Variants in LRP1B observed in about 807,000 individuals in gnomAD.
The protein encoded by LRP1B is LDL receptor related protein 1B.
A neutral mutation model predicts 556.6 loss-of-function variants in LRP1B; 217 were observed. That is an observed-to-expected ratio of 0.39 (90% CI 0.35 to 0.44). The LOEUF (loss-of-function observed/expected upper bound fraction) is 0.44. Among genes scored for constraint, LRP1B ranks in the 20% least tolerant of loss-of-function variants. LRP1B has a pLI of 1.00. For missense variants in LRP1B, 5,053 were observed against 5,620.8 expected, an observed-to-expected ratio of 0.90 and a Z score of 3.23; for synonymous variants, 2,047 against 1,865.8, an observed-to-expected ratio of 1.10 and a Z score of -2.50.
chr2:140,666,853 C>T (rs16844441), intron 41 of LRP1B, among the ~76,000 whole-genome samples: 15,819 of 152,186 alleles, frequency 0.1, 963 homozygotes, highest in East Asian at 0.25. Context: ...GTTCTGCCAT[C>T]AGAGAATTAT....
chr2:141,061,547 T>C (rs555073700), intron 8 of LRP1B, among the ~76,000 whole-genome samples: 9 of 151,916 alleles, frequency 5.9e-5, no homozygotes, highest in African/African-American at 2.2e-4. Context: ...TCCGTGACTT[T>C]CACAGAATTC....
At chr2:140,668,858 G>C (rs1476245670) in intron 41 of LRP1B, among the ~76,000 whole-genome samples, 1 of 152,138 alleles carries the variant, frequency 6.6e-6, no homozygotes, top group Non-Finnish European at 1.5e-5. Context: ...GAATTTTCCA[G>C]ATAAGTTCTC....
At chr2:141,867,380 CATTTA>C (rs1418222017) in intron 1 of LRP1B, among the ~76,000 whole-genome samples, 1 of 151,972 alleles carries the variant, frequency 6.6e-6, no homozygotes, top group Non-Finnish European at 1.5e-5. Flanking sequence ...TATTTTCTCT[CATTTA>C]AAAGAAGACA....
intron 47 of LRP1B, among the ~76,000 whole-genome samples, chr2:140,527,157 T>G (rs1690472982): frequency 6.6e-6 from 1 of 152,016 alleles, no homozygotes; most frequent in African/African-American, 2.4e-5. Context: ...TAAAGTATCT[T>G]ATTTTTAACC....
chr2:141,497,958 G>A (rs375684598), intron 2 of LRP1B, among the ~76,000 whole-genome samples: 24 of 136,044 alleles, frequency 1.8e-4, no homozygotes, highest in African/African-American at 6.8e-4. Context: ...ACAGTCATAC[G>A]AAAAAAATGC....
chr2:140,432,867 C>T (rs11897270), intron 66 of LRP1B, among the ~76,000 whole-genome samples: 47,399 of 151,966 alleles, frequency 0.31, 7,895 homozygotes, highest in Non-Finnish European at 0.34. Flanking sequence ...ATTGGATTTC[C>T]TGACTCTTTT....
chr2:141,755,144 A>G (rs893461723), intron 2 of LRP1B, among the ~76,000 whole-genome samples: 1 of 152,144 alleles, frequency 6.6e-6, no homozygotes, highest in African/African-American at 2.4e-5. Context: ...GAAAGCAACC[A>G]TAGTGAAGAA....
At chr2:140,739,739 A>T (rs184705189) in intron 35 of LRP1B, among the ~76,000 whole-genome samples, 205 of 152,314 alleles carry the variant, frequency 1.3e-3, no homozygotes, top group African/African-American at 4.8e-3. Context: ...ATAGAAACTT[A>T]TTCTCCCCAT....
intron 1 of LRP1B, among the ~76,000 whole-genome samples, chr2:141,914,281 T>C (rs1472663282): frequency 6.6e-6 from 1 of 152,208 alleles, no homozygotes; most frequent in African/African-American, 2.4e-5. Flanking sequence ...ATAAAGTGAT[T>C]GGCAACAAAA....
chr2:141,646,927 A>G (rs1040300510), intron 2 of LRP1B, among the ~76,000 whole-genome samples: 16 of 152,174 alleles, frequency 1.1e-4, no homozygotes, highest in African/African-American at 3.9e-4. Flanking sequence ...CCAGGATGGT[A>G]GCAGTGGGTA....
intron 2 of LRP1B, among the ~76,000 whole-genome samples, chr2:141,742,134 C>T (rs1368674431): frequency 4.6e-5 from 7 of 151,958 alleles, no homozygotes; most frequent in Non-Finnish European, 1.0e-4. Flanking sequence ...TTTCTATATT[C>T]TGTTCCACTG....
intron 2 of LRP1B, among the ~76,000 whole-genome samples, chr2:141,768,001 C>T (rs978719714): frequency 1.3e-5 from 2 of 152,086 alleles, no homozygotes; most frequent in Admixed American, 6.6e-5. Context: ...AAAGAAGAAT[C>T]TGGGGGACAA....
intron 2 of LRP1B, among the ~76,000 whole-genome samples, chr2:141,801,595 C>T (rs570876001): frequency 1.3e-5 from 2 of 152,158 alleles, no homozygotes; most frequent in African/African-American, 4.8e-5. Flanking sequence ...TCTATCAATA[C>T]TTGAAAAAGA....
intron 7 of LRP1B, among the ~76,000 whole-genome samples, chr2:141,072,812 C>T (rs1699682938): frequency 6.6e-6 from 1 of 152,006 alleles, no homozygotes; most frequent in African/African-American, 2.4e-5. Context: ...AAGGCAAATC[C>T]TTTGTTTTCT....
At chr2:142,130,591 G>T in intron 1 of LRP1B, 57 bp downstream of exon 1, 2 of 1,424,846 alleles carry the variant, frequency 1.4e-6, no homozygotes, top group Non-Finnish European at 9.7e-7. Flanking sequence ...TGCAAGCATC[G>T]CCCAGCAGGA....
chr2:141,460,672 G>T (rs879859545), intron 3 of LRP1B, among the ~76,000 whole-genome samples: 2 of 152,160 alleles, frequency 1.3e-5, no homozygotes, highest in Non-Finnish European at 2.9e-5. Flanking sequence ...GGTTATTACA[G>T]TTATTCAAGT....
chr2:140,964,509 A>G (rs999694351), intron 18 of LRP1B, among the ~76,000 whole-genome samples: 4 of 151,992 alleles, frequency 2.6e-5, no homozygotes, highest in African/African-American at 9.6e-5. Context: ...GCGTCTTCCC[A>G]GACGCTGATG....
chr2:140,850,092 A>C lies in LRP1B; in HGVS notation c.4939+10T>G. On this transcript the variant is annotated intron_variant, in intron 29 of 90. Transcript: ENST00000389484. Reference sequence around the variant, plus strand: ...CACTTTTAAAGTTGTAACATGTACGAATCTTTTACCTCTTGAAATAACAGT... The same window carrying C: ...CACTTTTAAAGTTGTAACATGTACGCATCTTTTACCTCTTGAAATAACAGT... 6.5e-7 allele frequency: 1 copy of C among 1,535,302 alleles called. No homozygotes were observed. Among genetic ancestry groups the C allele is most frequent in the Non-Finnish European group, 9.0e-7 (1 of 1,110,912 alleles).
intron 2 of LRP1B, among the ~76,000 whole-genome samples, chr2:141,582,255 T>G (rs72978013): frequency 0.028 from 4,244 of 152,334 alleles, 212 homozygotes; most frequent in African/African-American, 0.094. Flanking sequence ...AAACAGGGCA[T>G]TGATAGTTAA....
Sources: allele counts gnomAD v4.1 joint callset (sites outside exome capture counted in the v4.1 genomes callset), GRCh38; gene constraint gnomAD v4.1.1; transcripts MANE v1.5; gene names NCBI Gene and HGNC (gene_info 2026-07-23, HGNC 2026-07-21).